GUSB: variants seen among roughly 807,000 people sequenced by gnomAD.
GUSB encodes the protein beta-glucuronidase.
In GUSB, 51 loss-of-function variants were observed where a neutral mutation model predicts 74.6. The ratio of observed to expected loss-of-function variants is 0.68; its 90% CI spans 0.55 to 0.86. GUSB has a LOEUF of 0.86. GUSB is among the 40% of genes least tolerant of loss of function. The probability of loss-of-function intolerance (pLI) is 0.00; values close to 1 mark genes in which losing one functional copy is unlikely to be tolerated. For synonymous variants in GUSB, 360 were observed against 348.3 expected, an observed-to-expected ratio of 1.03 and a Z score of -0.37; for missense variants, 736 against 853.7, an observed-to-expected ratio of 0.86 and a Z score of 1.72.
intron 4 of GUSB, among the ~76,000 whole-genome samples, chr7:65,977,386 C>T (rs1208297892): frequency 2.0e-5 from 3 of 152,184 alleles, no homozygotes; most frequent in South Asian, 4.1e-4. Context: ...AAGTGATCCA[C>T]CCATCTCGGC....
chr7:65,972,687 G>A (rs183591403), intron 8 of GUSB, among the ~76,000 whole-genome samples: 9 of 152,118 alleles, frequency 5.9e-5, no homozygotes, highest in African/African-American at 2.2e-4. Flanking sequence ...CAGCCTGGGT[G>A]GCTCCCTCCA....
intron 8 of GUSB, among the ~76,000 whole-genome samples, chr7:65,972,223 A>G (rs904241108): frequency 1.3e-5 from 2 of 151,664 alleles, no homozygotes; most frequent in Admixed American, 6.6e-5. Context: ...GTGCAATGAC[A>G]TGATCTTGGC....
At chr7:65,973,733 G>A (rs1040392531) in intron 8 of GUSB, among the ~76,000 whole-genome samples, 1 of 152,062 alleles carries the variant, frequency 6.6e-6, no homozygotes, top group African/African-American at 2.4e-5. Flanking sequence ...CTCCATCCTG[G>A]GCAATAGAGG....
intron 4 of GUSB, among the ~76,000 whole-genome samples, chr7:65,978,222 C>T (rs567346118): frequency 7.2e-5 from 11 of 152,240 alleles, no homozygotes; most frequent in African/African-American, 1.9e-4. Context: ...GAGACTGAGG[C>T]GGGTGGATCC....
intron 10 of GUSB, among the ~76,000 whole-genome samples, chr7:65,966,699 A>G (rs6955582): frequency 0.52 from 79,015 of 151,760 alleles, 21,478 homozygotes; most frequent in East Asian, 0.81. Context: ...TGGAAGAATT[A>G]CTTCAGCCCT....
rs189789123 is a variant in GUSB, at chr7:65,976,726, G to A, written c.725-524C>T. On this transcript the variant is annotated intron_variant, in intron 4 of 11. Transcript: ENST00000304895. ...GTGGGAGGATCGCTTGAGACCAGGA[G>A]TTCAAGACCAGCCTGGGTAACATAG... Among the ~76,000 whole-genome samples, 353 of 151,890 alleles carry A rather than the reference G, an allele frequency of 2.3e-3. 2 individuals are homozygous for A. Among genetic ancestry groups the A allele is most frequent in the African/African-American group, 8.1e-3 (336 of 41,478 alleles).
At chr7:65,981,768 T>A (rs1043302686) in intron 1 of GUSB, 2 of 542,072 alleles carry the variant, frequency 3.7e-6, no homozygotes, top group Non-Finnish European at 6.5e-6. Flanking sequence ...AAGAGCCTTT[T>A]CTCCTCCTGC....
chr7:65,978,296 A>G (rs573105512), intron 4 of GUSB, among the ~76,000 whole-genome samples: 6 of 152,236 alleles, frequency 3.9e-5, no homozygotes, highest in Admixed American at 3.9e-4. Context: ...AAAAATACAA[A>G]AATTAGCTGG....
intron 8 of GUSB, among the ~76,000 whole-genome samples, chr7:65,973,999 A>T (rs1235637007): frequency 6.6e-6 from 1 of 151,870 alleles, no homozygotes; most frequent in Non-Finnish European, 1.5e-5. Flanking sequence ...CAGGAGACTG[A>T]GGCAGGAGAA....
chr7:65,977,720 C>T (rs1352825020), intron 4 of GUSB, among the ~76,000 whole-genome samples: 3 of 151,576 alleles, frequency 2.0e-5, no homozygotes, highest in African/African-American at 7.3e-5. Flanking sequence ...ACCGCGGCCC[C>T]ACAACGGCTG....
At chr7:65,966,789 AAAAG>A (rs1790866178) in intron 10 of GUSB, among the ~76,000 whole-genome samples, 1 of 152,170 alleles carries the variant, frequency 6.6e-6, no homozygotes, top group South Asian at 2.1e-4. Flanking sequence ...GAAAAAAAGA[AAAAG>A]AAAAAAAGGC....
intron 10 of GUSB, among the ~76,000 whole-genome samples, chr7:65,967,071 A>G (rs1790884142): frequency 6.6e-6 from 1 of 152,182 alleles, no homozygotes; most frequent in African/African-American, 2.4e-5. Context: ...GAAGGGGATG[A>G]AAACCCAGGA....
At chr7:65,969,143 G>A (rs745901348) in intron 9 of GUSB, among the ~76,000 whole-genome samples, 1 of 152,182 alleles carries the variant, frequency 6.6e-6, no homozygotes, top group Admixed American at 6.5e-5. Context: ...CACGTTGGGA[G>A]GCCAAAGTGG....
chr7:65,964,257 A>C, intron 11 of GUSB, 66 bp downstream of exon 11: 1 of 1,381,212 alleles, frequency 7.2e-7, no homozygotes, highest in Non-Finnish European at 1.0e-6. Flanking sequence ...AAATGGCCAG[A>C]ATTGGAAAGG....
In GUSB at chr7:65,979,441, T is replaced by A. The variant is rs772672861; in HGVS notation, c.682A>T (p.Ile228Phe). Residue 228 changes from isoleucine to phenylalanine, a missense_variant, in exon 4 of 12, where the codon ATC (isoleucine) becomes TTC (phenylalanine). Physicochemically the swap from Ile to Phe is conservative, Grantham distance 21. This residue lies in a region of GUSB where 368 missense variants were observed against 363.8 expected (regional missense o/e 1.01). Coordinates refer to ENST00000304895, the MANE Select transcript of GUSB (RefSeq NM_000181.4). ...VLLYTTPTTY[I>F]DDITVTTSVE... ...CTGGTGGTGACGGTGATGTCATCGATGTAGGTGGTGGGTGTCGTGTACAGA... is the reference window on the plus strand; with the variant it reads ...CTGGTGGTGACGGTGATGTCATCGAAGTAGGTGGTGGGTGTCGTGTACAGA... The A allele has an allele frequency of 6.2e-7, 1 of 1,613,936 alleles. No homozygotes were observed. Among genetic ancestry groups the A allele is most frequent in the Non-Finnish European group, 8.5e-7 (1 of 1,179,862 alleles).
intron 8 of GUSB, among the ~76,000 whole-genome samples, chr7:65,972,672 C>A (rs1349726773): frequency 6.6e-6 from 1 of 152,124 alleles, no homozygotes; most frequent in Non-Finnish European, 1.5e-5. Flanking sequence ...CTGGCTGAAC[C>A]TCTCCAGCCT....
Position 65,974,284 on chromosome 7 carries a change from G to A in GUSB, c.1391+11C>T, listed in dbSNP as rs1281796192. 1.2e-6 allele frequency: 2 copies of A among 1,613,666 alleles called. No individual in the cohort carries two copies. Among genetic ancestry groups the A allele is most frequent in the Admixed American group, 1.7e-5 (1 of 59,962 alleles). ...TCCCACTCTAGCCGAGGGCAGGGAG[G>A]GAGCACTCACTTCAAGTAGTAGCCA... On this transcript the variant is annotated intron_variant, in intron 8 of 11. Transcript: ENST00000304895.
At chr7:65,979,677 G>A (rs368816546) in intron 3 of GUSB, 50 bp downstream of exon 3, 3 of 1,594,862 alleles carry the variant, frequency 1.9e-6, no homozygotes, top group East Asian at 2.2e-5. Context: ...GAAGACCACA[G>A]GGTGGGGCGG....
At chr7:65,973,487 T>C (rs1185917755) in intron 8 of GUSB, among the ~76,000 whole-genome samples, 1 of 152,234 alleles carries the variant, frequency 6.6e-6, no homozygotes, top group East Asian at 1.9e-4. Flanking sequence ...CTCAGGAGGC[T>C]GAGGCAGGAG....
Sources: gnomAD v4.1 joint callset for allele counts (sites outside exome capture counted in the v4.1 genomes callset) on GRCh38, gnomAD v4.1.1 for gene constraint, gnomAD v4.1.1 regional missense constraint, MANE v1.5 for transcripts, NCBI Gene and HGNC (gene_info 2026-07-23, HGNC 2026-07-21) for gene names.